CHRM3: variants seen among roughly 807,000 people sequenced by gnomAD.
CHRM3 encodes muscarinic acetylcholine receptor M3.
Under a neutral mutation model 41.8 loss-of-function variants are expected in CHRM3, and 11 were observed. That is an observed-to-expected ratio of 0.26 (90% CI 0.17 to 0.44). The LOEUF (loss-of-function observed/expected upper bound fraction) is 0.44. CHRM3 is among the 20% of genes least tolerant of loss of function. The probability of loss-of-function intolerance (pLI) is 1.00; values close to 1 mark genes in which losing one functional copy is unlikely to be tolerated. For synonymous variants in CHRM3, 297 were observed against 301.4 expected (o/e 0.99, Z 0.15); for missense variants, 571 against 745.4 (o/e 0.77, Z 2.72).
intron 3 of CHRM3, among the ~76,000 whole-genome samples, chr1:239,585,989 A>C (rs1663356866): frequency 6.6e-6 from 1 of 152,198 alleles, no homozygotes; most frequent in Admixed American, 6.5e-5. Context: ...GCCTAGGAGA[A>C]CTCAACTAAT....
Position 239,909,769 on chromosome 1 carries a change from G to A in CHRM3, c.*545G>A, listed in dbSNP as rs1435686505. The A allele has an allele frequency of 2.4e-5, 4 of 167,838 alleles. No homozygotes were observed. The Admixed American group carries it at 2.6e-4, about 11-fold the overall frequency. The allele number at this position is 167,838 out of a possible 1,614,324, so 10.4% of individuals were successfully genotyped here. On this transcript the variant is annotated 3_prime_UTR_variant, in exon 7 of 7. Coordinates refer to ENST00000676153, the MANE Select transcript of CHRM3 (RefSeq NM_001375978.1). Reference sequence around the variant, plus strand: ...GGTGTGTTGTTAAACTCTATTTGTGGACTTGATTCTTGATTCTTGCAAAGT... The same window carrying A: ...GGTGTGTTGTTAAACTCTATTTGTGAACTTGATTCTTGATTCTTGCAAAGT...
At chr1:239,391,543 T>C (rs1435861304) in intron 1 of CHRM3, among the ~76,000 whole-genome samples, 1 of 152,146 alleles carries the variant, frequency 6.6e-6, no homozygotes, top group Non-Finnish European at 1.5e-5. Flanking sequence ...CTCCCACCTG[T>C]TGGAACTTCC....
chr1:239,671,898 C>A (rs1899614), intron 4 of CHRM3, among the ~76,000 whole-genome samples: 1 of 151,884 alleles, frequency 6.6e-6, no homozygotes, highest in Admixed American at 6.6e-5. Context: ...GAATATGTCA[C>A]CAAGAAAGAA....
intron 2 of CHRM3, among the ~76,000 whole-genome samples, chr1:239,516,065 C>G (rs1434934027): frequency 6.6e-6 from 1 of 152,182 alleles, no homozygotes; most frequent in Admixed American, 6.5e-5. Flanking sequence ...TTCTCGCTCT[C>G]TCTCATCTAG....
rs1285344122 is a variant in CHRM3, at chr1:239,907,949, A to G, written c.498A>G (p.Arg166=). 3 of 1,614,082 alleles carry G rather than the reference A, an allele frequency of 1.9e-6. No homozygotes were observed. Among genetic ancestry groups the G allele is most frequent in the African/African-American group, 1.3e-5 (1 of 74,912 alleles). ...VMNLLVISFD[R]YFSITRPLTY... ...ATCTTCTGGTCATCAGCTTTGACAGATACTTTTCCATCACGAGGCCGCTCA... is the reference window on the plus strand; with the variant it reads ...ATCTTCTGGTCATCAGCTTTGACAGGTACTTTTCCATCACGAGGCCGCTCA... The change falls in exon 7 of 7, where the codon AGA becomes AGG. Residue 166 remains arginine (R), a synonymous_variant. Transcript: ENST00000676153. This position sits in a 1 kb window ranked among gnomAD's most constrained non-coding sequence, Gnocchi z 5.4.
intron 6 of CHRM3, chr1:239,898,353 T>C (rs926109036): frequency 6.6e-6 from 1 of 152,174 alleles, no homozygotes; most frequent in African/African-American, 2.4e-5. Flanking sequence ...GGTATTGCCA[T>C]TCACCAGGTA....
chr1:239,614,735 C>A (rs1014226890), intron 3 of CHRM3, among the ~76,000 whole-genome samples: 1 of 152,112 alleles, frequency 6.6e-6, no homozygotes, highest in African/African-American at 2.4e-5. Context: ...AATTAAATAA[C>A]CTAGCTTTTA....
intron 2 of CHRM3, among the ~76,000 whole-genome samples, chr1:239,495,267 G>T (rs1048422394): frequency 2.6e-5 from 4 of 152,122 alleles, no homozygotes; most frequent in African/African-American, 9.7e-5. Flanking sequence ...TAGAATTGAG[G>T]TCATTGAAAT....
intron 4 of CHRM3, among the ~76,000 whole-genome samples, chr1:239,670,141 G>A (rs1358062791): frequency 6.6e-6 from 1 of 152,154 alleles, no homozygotes; most frequent in Non-Finnish European, 1.5e-5. Flanking sequence ...ATATTTGGAT[G>A]AGATTAGAGA....
chr1:239,774,231 C>T (rs771022120), intron 5 of CHRM3, among the ~76,000 whole-genome samples: 4 of 152,154 alleles, frequency 2.6e-5, no homozygotes, highest in Non-Finnish European at 4.4e-5. Context: ...CCTTGAGTTT[C>T]GGTCTCTATT....
chr1:239,688,626 T>C (rs1659395829), intron 5 of CHRM3, among the ~76,000 whole-genome samples: 1 of 133,760 alleles, frequency 7.5e-6, no homozygotes, highest in Non-Finnish European at 1.5e-5. Flanking sequence ...TTACTCAGTA[T>C]AATACATAAT....
intron 6 of CHRM3, among the ~76,000 whole-genome samples, chr1:239,829,613 A>G (rs1352125271): frequency 6.6e-6 from 1 of 152,140 alleles, no homozygotes; most frequent in African/African-American, 2.4e-5. Context: ...CAGTTTTACT[A>G]AAAATTGTTT....
At chr1:239,819,493 C>T (rs974140010) in intron 5 of CHRM3, among the ~76,000 whole-genome samples, 2 of 152,052 alleles carry the variant, frequency 1.3e-5, no homozygotes, top group Non-Finnish European at 2.9e-5. Context: ...TGCCTGTCTG[C>T]GTTAAGCAAA....
At chr1:239,614,674 C>T (rs1667439095) in intron 3 of CHRM3, among the ~76,000 whole-genome samples, 1 of 152,146 alleles carries the variant, frequency 6.6e-6, no homozygotes. Flanking sequence ...GTTCCTAACT[C>T]CATTCTTTCC....
intron 1 of CHRM3, among the ~76,000 whole-genome samples, chr1:239,424,978 T>A: frequency 6.6e-6 from 1 of 152,204 alleles, no homozygotes; most frequent in Non-Finnish European, 1.5e-5. Context: ...GAGTGGGTAA[T>A]GCATGGGGGC....
intron 5 of CHRM3, among the ~76,000 whole-genome samples, chr1:239,813,509 A>G (rs1558145519): frequency 1.3e-5 from 2 of 152,126 alleles, no homozygotes; most frequent in Non-Finnish European, 1.5e-5. Context: ...ATTTTTGCAA[A>G]CATTCATCTT....
intron 5 of CHRM3, among the ~76,000 whole-genome samples, chr1:239,695,382 C>T (rs1660092357): frequency 6.6e-6 from 1 of 152,110 alleles, no homozygotes; most frequent in Non-Finnish European, 1.5e-5. Flanking sequence ...ATACACAGTA[C>T]TAACAAATTA....
chr1:239,834,023 G>A (rs576079957), intron 6 of CHRM3, among the ~76,000 whole-genome samples: 1 of 152,178 alleles, frequency 6.6e-6, no homozygotes, highest in South Asian at 2.1e-4. Context: ...ACATAGCTGA[G>A]TTCTCTCCAA....
chr1:239,680,622 G>A (rs919820156), intron 5 of CHRM3, among the ~76,000 whole-genome samples: 13 of 152,020 alleles, frequency 8.6e-5, no homozygotes, highest in African/African-American at 2.9e-4. Flanking sequence ...TGTGTTAAAT[G>A]TCTCTCCTTC....
Sources: allele counts gnomAD v4.1 joint callset (sites outside exome capture counted in the v4.1 genomes callset), GRCh38; gene constraint gnomAD v4.1.1; non-coding constraint Gnocchi (gnomAD v3.1); transcripts MANE v1.5; gene names NCBI Gene and HGNC (gene_info 2026-07-23, HGNC 2026-07-21).